NRG2: variants seen among roughly 807,000 people sequenced by gnomAD.
NRG2 encodes the protein neuregulin 2.
A neutral mutation model predicts 73.9 loss-of-function variants in NRG2; 27 were observed. That is an observed-to-expected ratio of 0.37 (90% CI 0.27 to 0.50). The LOEUF (loss-of-function observed/expected upper bound fraction) is 0.50. Ranked by LOEUF, NRG2 falls within the 20% of genes least tolerant of loss-of-function variation. The pLI is 0.96. For synonymous variants in NRG2, 532 were observed against 541.0 expected, an observed-to-expected ratio of 0.98 and a Z score of 0.23; for missense variants, 1,126 against 1,210.1, an observed-to-expected ratio of 0.93 and a Z score of 1.03.
rs566656807 is a variant in NRG2, at chr5:140,042,885, G to A, written c.185C>T (p.Pro62Leu). 2.6e-6 allele frequency: 4 copies of A among 1,520,594 alleles called. No homozygotes were observed. The South Asian group carries it at 4.8e-5, about 18-fold the overall frequency. 94.2% of individuals were successfully genotyped at this position (1,520,594 alleles called of 1,614,324 possible). A position where few individuals can be genotyped will look rare whatever the true frequency, so the allele number is the denominator to read the frequency against. Residue 62 changes from proline (P) to leucine (L), a missense_variant, in exon 1 of 10, where the codon CCC becomes CTC. This residue lies in a region of NRG2 where 185 missense variants were observed against 149.0 expected (regional missense o/e 1.24). Transcript: ENST00000361474. ...NNSSISRPAA[P>L]PEPRPQQQPQ... ...CTGTTGCTGCGGCCGCGGCTCTGGG[G>A]GCGCAGCGGGACGAGAGATGCTGCT...
chr5:139,874,305 C>G (rs1168153827), intron 3 of NRG2, among the ~76,000 whole-genome samples: 1 of 152,204 alleles, frequency 6.6e-6, no homozygotes, highest in East Asian at 1.9e-4. Context: ...TACACCTCCA[C>G]GAGGATGGCT....
chr5:139,918,878 T>G (rs1365089481), intron 1 of NRG2, among the ~76,000 whole-genome samples: 1 of 151,904 alleles, frequency 6.6e-6, no homozygotes, highest in Non-Finnish European at 1.5e-5. Context: ...GGGGAGATGC[T>G]CACACGTAGA....
chr5:139,961,070 G>A (rs559692180), intron 1 of NRG2, among the ~76,000 whole-genome samples: 1 of 152,350 alleles, frequency 6.6e-6, no homozygotes, highest in Non-Finnish European at 1.5e-5. Context: ...TAGGCAGCCA[G>A]GTGAGATGCT....
At chr5:139,997,336 C>T (rs1323965168) in intron 1 of NRG2, among the ~76,000 whole-genome samples, 1 of 152,164 alleles carries the variant, frequency 6.6e-6, no homozygotes, top group African/African-American at 2.4e-5. Flanking sequence ...TTGACCCAGA[C>T]TCATCTCTTT....
intron 1 of NRG2, among the ~76,000 whole-genome samples, chr5:139,907,605 C>A (rs535810123): frequency 6.6e-6 from 1 of 152,260 alleles, no homozygotes; most frequent in South Asian, 2.1e-4. Flanking sequence ...TCCCAGCAGT[C>A]CAGAGCAGCT....
At chr5:139,949,491 A>T (rs1754035547) in intron 1 of NRG2, among the ~76,000 whole-genome samples, 1 of 152,196 alleles carries the variant, frequency 6.6e-6, no homozygotes, top group South Asian at 2.1e-4. Flanking sequence ...AATAAGTACA[A>T]GTAAGGCATA....
At position 139,869,652 on chromosome 5, in the gene NRG2, A is replaced by C. The variant is rs1762707964; in HGVS notation, c.1112+2069T>G. The C allele has an allele frequency of 3.9e-5, 6 of 152,298 alleles. No individual in the cohort carries two copies. Among genetic ancestry groups the C allele is most frequent in the Admixed American group, 6.5e-5 (1 of 15,274 alleles). 9.4% of individuals were successfully genotyped at this position (152,298 alleles called of 1,614,324 possible). A position where few individuals can be genotyped will look rare whatever the true frequency, so the allele number is the denominator to read the frequency against. On this transcript the variant is annotated intron_variant, in intron 4 of 9. Coordinates refer to ENST00000361474, the MANE Select transcript of NRG2 (RefSeq NM_004883.3). This position sits in a 1 kb window ranked among gnomAD's most constrained non-coding sequence, Gnocchi z 4.5. ...GGTTCCAGGAACCTTGGCTGGAACC[A>C]GGGGAGGCTGAGATGGGGAAGTGGT...
At chr5:139,877,745 G>A (rs780611485) in intron 3 of NRG2, among the ~76,000 whole-genome samples, 13 of 152,202 alleles carry the variant, frequency 8.5e-5, no homozygotes, top group African/African-American at 1.9e-4. Flanking sequence ...CAGAATCCCC[G>A]AATTTTAGAG....
rs116703495 is a variant in NRG2, at chr5:139,928,482, A to C, written c.701-40971T>G. Among the ~76,000 whole-genome samples, 1,155 of 152,158 alleles carry C rather than the reference A, an allele frequency of 7.6e-3. 11 individuals carry two copies. Among genetic ancestry groups the C allele is most frequent in the Non-Finnish European group, 0.012 (788 of 67,996 alleles). On this transcript the variant is annotated intron_variant, in intron 1 of 9. Coordinates refer to ENST00000361474, the MANE Select transcript of NRG2 (RefSeq NM_004883.3). Reference sequence around the variant, plus strand: ...GATGTTGTCCTTGTCTCATTCTTCCACTAATTTATTCCTCTTTTCTAGAAG... The same window carrying C: ...GATGTTGTCCTTGTCTCATTCTTCCCCTAATTTATTCCTCTTTTCTAGAAG...
At chr5:139,925,786 G>A (rs1050421740) in intron 1 of NRG2, among the ~76,000 whole-genome samples, 2 of 152,208 alleles carry the variant, frequency 1.3e-5, no homozygotes, top group Admixed American at 1.3e-4. Flanking sequence ...GACCCCTGCA[G>A]GGATGGGGAG....
chr5:139,848,119 G>A lies in NRG2; in HGVS notation c.2351C>T (p.Ala784Val). Residue 784 changes from alanine to valine, a missense_variant, in exon 10 of 10, where the codon GCG (alanine) becomes GTG (valine). Ala to Val is a moderately conservative substitution (Grantham distance 64). Transcript: ENST00000361474. Reference protein sequence around the residue: ...ASASDDDADDADGALAAESTP... With the variant: ...ASASDDDADDVDGALAAESTP... ...GCTCTCGGCCGCCAGCGCCCCGTCC[G>A]CGTCGTCCGCGTCGTCGTCCGACGC... 2.0e-6 allele frequency: 3 copies of A among 1,471,358 alleles called. No individual in the cohort carries two copies. The highest frequency in any genetic ancestry group is 2.7e-6 in the Non-Finnish European group (3 of 1,119,020). The allele number at this position is 1,471,358 out of a possible 1,614,324, so 91.1% of individuals were successfully genotyped here.
At chr5:139,885,629 G>A (rs999823193) in intron 2 of NRG2, among the ~76,000 whole-genome samples, 2 of 152,098 alleles carry the variant, frequency 1.3e-5, no homozygotes, top group Non-Finnish European at 2.9e-5. Flanking sequence ...AAAAAGTCAC[G>A]GGCGTGGGTT....
intron 1 of NRG2, among the ~76,000 whole-genome samples, chr5:139,959,751 G>A (rs1266881289): frequency 6.6e-6 from 1 of 151,816 alleles, no homozygotes; most frequent in Non-Finnish European, 1.5e-5. Context: ...GACCTCAGAT[G>A]ATCTGCCCAC....
chr5:139,929,227 A>C (rs956470402), intron 1 of NRG2, among the ~76,000 whole-genome samples: 1 of 152,130 alleles, frequency 6.6e-6, no homozygotes, highest in African/African-American at 2.4e-5. Context: ...TGCTTCCCAA[A>C]CATACCTTAC....
At chr5:139,899,231 G>A (rs1454658114) in intron 1 of NRG2, among the ~76,000 whole-genome samples, 1 of 152,226 alleles carries the variant, frequency 6.6e-6, no homozygotes, top group African/African-American at 2.4e-5. Flanking sequence ...AGCTCAATCA[G>A]TGATTCTTAA....
At chr5:139,966,799 T>A (rs1308978515) in intron 1 of NRG2, among the ~76,000 whole-genome samples, 2 of 151,518 alleles carry the variant, frequency 1.3e-5, no homozygotes. Flanking sequence ...AACAGAAAGG[T>A]AAAAGAATCT....
chr5:139,848,775 G>GGGGGGGGGGGGGGGGGGGGGGGT, intron 9 of NRG2, 78 bp from the exon 10 acceptor site: 1 of 601,720 alleles, frequency 1.7e-6, no homozygotes. Context: ...GTGGGGTAGG[G>GGGGGGGGGGGGGGGGGGGGGGGT]TGGGAGGGGC....
intron 1 of NRG2, among the ~76,000 whole-genome samples, chr5:140,041,632 A>G (rs1761921872): frequency 6.6e-6 from 1 of 150,772 alleles, no homozygotes; most frequent in Non-Finnish European, 1.5e-5. Context: ...TCATCATCAC[A>G]ATCAACAGAC....
chr5:140,015,669 G>A (rs899806394), intron 1 of NRG2, among the ~76,000 whole-genome samples: 1 of 152,194 alleles, frequency 6.6e-6, no homozygotes, highest in African/African-American at 2.4e-5. Flanking sequence ...GATCTTTCAG[G>A]ATATAATTCT....
Sources: allele counts gnomAD v4.1 joint callset (sites outside exome capture counted in the v4.1 genomes callset), GRCh38; gene constraint gnomAD v4.1.1; regional missense constraint gnomAD v4.1.1; non-coding constraint Gnocchi (gnomAD v3.1); transcripts MANE v1.5; gene names NCBI Gene and HGNC (gene_info 2026-07-23, HGNC 2026-07-21).